UNC5A: variants seen among roughly 807,000 people sequenced by gnomAD.
The protein encoded by UNC5A is unc-5 netrin receptor A.
In UNC5A, 20 loss-of-function variants were observed where a neutral mutation model predicts 87.4. The ratio of observed to expected loss-of-function variants is 0.23; its 90% CI spans 0.16 to 0.33. UNC5A has a LOEUF of 0.33. UNC5A is among the 10% of genes least tolerant of loss of function. The pLI, the probability that UNC5A is intolerant of heterozygous loss-of-function variation, is 1.00. For missense variants in UNC5A, 844 were observed against 1,133.4 expected (o/e 0.74, Z 3.67); for synonymous variants, 438 against 482.3 (o/e 0.91, Z 1.20).
At chr5:176,873,176 T>C (rs1758173184) in intron 6 of UNC5A, among the ~76,000 whole-genome samples, 1 of 151,352 alleles carries the variant, frequency 6.6e-6, no homozygotes, top group African/African-American at 2.4e-5. Flanking sequence ...ACACCACAGC[T>C]TCCCATCTGC....
intron 2 of UNC5A, among the ~76,000 whole-genome samples, chr5:176,864,574 A>C (rs945960939): frequency 6.6e-6 from 1 of 152,208 alleles, no homozygotes; most frequent in Non-Finnish European, 1.5e-5. Flanking sequence ...TTACTCATCC[A>C]GAGCCCTGCC....
chr5:176,876,558 C>T (rs780379890), intron 8 of UNC5A, among the ~76,000 whole-genome samples: 11 of 152,226 alleles, frequency 7.2e-5, no homozygotes, highest in African/African-American at 4.8e-5. Context: ...TCCACTCACA[C>T]GCTGATCCTG....
At chr5:176,831,443 G>T (rs980503224) in intron 1 of UNC5A, among the ~76,000 whole-genome samples, 1 of 152,158 alleles carries the variant, frequency 6.6e-6, no homozygotes, top group Non-Finnish European at 1.5e-5. Flanking sequence ...CCTTCTCTGC[G>T]CAGGAATGCT....
At position 176,866,817 on chromosome 5, in the gene UNC5A, A is replaced by T. The variant is rs1323274960; in HGVS notation, c.293-1313A>T. On this transcript the variant is annotated intron_variant, in intron 2 of 14. Transcript: ENST00000329542. This position sits in a 1 kb window ranked among gnomAD's most constrained non-coding sequence, Gnocchi z 5.0. ...TGAGAGTGTCCACACTGGGTGTCTT[A>T]GAGAACGGGGCAGGTGGTGCCCAGA... is the stretch of plus-strand genomic sequence containing the variant. Among the ~76,000 whole-genome samples the T allele has an allele frequency of 6.6e-6, 1 of 152,152 alleles. No individual in the cohort carries two copies. Among genetic ancestry groups the T allele is most frequent in the Non-Finnish European group, 1.5e-5 (1 of 68,020 alleles).
At chr5:176,863,416 G>A (rs566483589) in intron 2 of UNC5A, among the ~76,000 whole-genome samples, 29 of 152,280 alleles carry the variant, frequency 1.9e-4, no homozygotes, top group Admixed American at 4.6e-4. Context: ...GCTGCAGAGC[G>A]ACATGGCCAG....
chr5:176,814,537 GT>G (rs1756543200), intron 1 of UNC5A, among the ~76,000 whole-genome samples: 1 of 152,156 alleles, frequency 6.6e-6, no homozygotes, highest in African/African-American at 2.4e-5. Flanking sequence ...TCCCTGCACT[GT>G]GAAACCCGCA....
In UNC5A at chr5:176,841,488, T is replaced by C. The variant is rs1757276065; in HGVS notation, c.71-21136T>C. 6.6e-6 allele frequency among the ~76,000 whole-genome samples: 1 copy of C among 152,220 alleles called. No individual in the cohort carries two copies. The highest frequency in any genetic ancestry group is 2.4e-5 in the African/African-American group (1 of 41,454). On this transcript the variant is annotated intron_variant, in intron 1 of 14. Coordinates refer to ENST00000329542, the MANE Select transcript of UNC5A (RefSeq NM_133369.3). The surrounding 1 kb of genome is among the most constrained non-coding windows in gnomAD (Gnocchi z 4.1). ...TGCAGCAGTGTGGCTGTGGACATGT[T>C]ATTGATTGAATGTCTCTGAGCCTCA... is the stretch of plus-strand genomic sequence containing the variant.
At chr5:176,845,334 A>G (rs907215128) in intron 1 of UNC5A, among the ~76,000 whole-genome samples, 2 of 152,190 alleles carry the variant, frequency 1.3e-5, no homozygotes, top group Non-Finnish European at 2.9e-5. Flanking sequence ...GCACGGATCC[A>G]AAGCCTGTCT....
chr5:176,828,808 G>T (rs1012773199), intron 1 of UNC5A, among the ~76,000 whole-genome samples: 1 of 151,990 alleles, frequency 6.6e-6, no homozygotes, highest in African/African-American at 2.4e-5. Context: ...TGGGTGGATG[G>T]GTGGATGGGT....
In UNC5A at chr5:176,874,532, CT is replaced by C; in HGVS notation, c.1346del (p.Phe449SerfsTer6). 1 of 1,584,772 alleles carries C rather than the reference CT, an allele frequency of 6.3e-7. No individual in the cohort carries two copies. ...TSNMTYGTFN[F>X]LGGRLMIPNT... ...GCAACATGACCTATGGGACCTTCAA[CT>C]TCCTCGGGGGCCGGCTGATGATCCC... On this transcript the variant is annotated frameshift_variant, in exon 8 of 15. Transcript: ENST00000329542. LOFTEE classifies it high-confidence loss of function. This position sits in a 1 kb window ranked among gnomAD's most constrained non-coding sequence, Gnocchi z 7.6.
intron 1 of UNC5A, among the ~76,000 whole-genome samples, chr5:176,837,078 G>A (rs1473935686): frequency 2.0e-5 from 3 of 152,150 alleles, no homozygotes; most frequent in Non-Finnish European, 4.4e-5. Context: ...CCTCTCACCA[G>A]ACTCACTGTG....
intron 5 of UNC5A, among the ~76,000 whole-genome samples, 184 bp from the exon 6 acceptor site, chr5:176,870,186 T>C (rs571429707): frequency 1.3e-5 from 2 of 152,290 alleles, no homozygotes; most frequent in African/African-American, 4.8e-5. Context: ...GTCATTAGCA[T>C]GCGTCATCAA....
chr5:176,861,042 A>G (rs527587464), intron 1 of UNC5A, among the ~76,000 whole-genome samples: 1 of 152,230 alleles, frequency 6.6e-6, no homozygotes, highest in African/African-American at 2.4e-5. Flanking sequence ...TCACAAAGAC[A>G]CAGCTGTTGC....
intron 1 of UNC5A, among the ~76,000 whole-genome samples, chr5:176,817,944 C>G (rs1756633819): frequency 6.6e-6 from 1 of 152,062 alleles, no homozygotes; most frequent in South Asian, 2.1e-4. Context: ...GCCCGCCAGC[C>G]CGCCCGCGGC....
intron 1 of UNC5A, among the ~76,000 whole-genome samples, chr5:176,826,266 C>A (rs561780122): frequency 8.5e-5 from 13 of 152,326 alleles, no homozygotes; most frequent in South Asian, 2.1e-4. Flanking sequence ...ACTCTTCTGC[C>A]CCATCTATGA....
intron 2 of UNC5A, 78 bp downstream of exon 2, chr5:176,862,923 C>G: frequency 6.6e-7 from 1 of 1,523,986 alleles, no homozygotes. Context: ...CTGCAGCTGC[C>G]CCCAGGATTC....
intron 1 of UNC5A, among the ~76,000 whole-genome samples, chr5:176,854,206 C>A (rs1186592995): frequency 6.6e-6 from 1 of 152,032 alleles, no homozygotes; most frequent in Non-Finnish European, 1.5e-5. Context: ...CTGTAGTCTC[C>A]GGTAGAGATT....
At chr5:176,829,324 GAAA>G (rs1756938168) in intron 1 of UNC5A, among the ~76,000 whole-genome samples, 4 of 132,686 alleles carry the variant, frequency 3.0e-5, no homozygotes, top group Admixed American at 7.4e-5. Flanking sequence ...ATGGATGTAT[GAAA>G]TATGGATGGA....
chr5:176,810,674 T>A lies in UNC5A; in HGVS notation c.-77T>A. ...CCCCGGGGGCGCCCCGAGCTGGGGC[T>A]CCGGGCTGAGGCGCTAAAGCCGCCC... On this transcript the variant is annotated 5_prime_UTR_variant, in exon 1 of 15. Transcript: ENST00000329542. This position sits in a 1 kb window ranked among gnomAD's most constrained non-coding sequence, Gnocchi z 7.3. 5.9e-6 allele frequency: 3 copies of A among 512,682 alleles called. No homozygotes were observed. The highest frequency in any genetic ancestry group is 7.6e-6 in the Non-Finnish European group (3 of 397,240). 31.8% of individuals were successfully genotyped at this position (512,682 alleles called of 1,614,324 possible).
Sources: gnomAD v4.1 joint callset for allele counts (sites outside exome capture counted in the v4.1 genomes callset) on GRCh38, gnomAD v4.1.1 for gene constraint, Gnocchi (gnomAD v3.1) non-coding constraint, MANE v1.5 for transcripts, NCBI Gene and HGNC (gene_info 2026-07-23, HGNC 2026-07-21) for gene names.